The following SYT16 variants were observed in gnomAD, a reference collection of about 807,000 sequenced individuals.
SYT16 encodes the protein synaptotagmin 16.
SYT16 carries 42 observed loss-of-function variants against 61.4 expected under a neutral mutation model. The ratio of observed to expected loss-of-function variants is 0.68; its 90% CI spans 0.53 to 0.89. SYT16 has a LOEUF of 0.89. Among genes scored for constraint, SYT16 ranks in the 40% least tolerant of loss-of-function variants. The probability of loss-of-function intolerance (pLI) is 0.00; values close to 1 mark genes in which losing one functional copy is unlikely to be tolerated. For missense variants in SYT16, 804 were observed against 807.3 expected (o/e 1.00, Z 0.05); for synonymous variants, 314 against 302.3 (o/e 1.04, Z -0.40).
In SYT16 at chr14:62,056,223, C is replaced by G. The variant is rs147316815; in HGVS notation, c.524-13380C>G. 1.8e-4 allele frequency among the ~76,000 whole-genome samples: 28 copies of G among 152,276 alleles called. No individual in the cohort carries two copies. The East Asian group carries it at 4.6e-3, about 25-fold the overall frequency. On this transcript the variant is annotated intron_variant, in intron 3 of 7. Transcript: ENST00000683842. ...ACACAAAGCTACAGTGAAATACTAT[C>G]TCACGTCTACCAGGTCTGCAAAATC...
At chr14:61,909,327 G>A (rs12882643) in intron 1 of SYT16, among the ~76,000 whole-genome samples, 37,558 of 152,094 alleles carry the variant, frequency 0.25, 5,457 homozygotes, top group East Asian at 0.42. Context: ...TGGTGGTTTA[G>A]AACAACAGAA....
In SYT16 at chr14:62,054,712, T is replaced by C. The variant is rs140214510; in HGVS notation, c.524-14891T>C. ...CTATTTATTTTCAGTTGTGATATAT[T>C]TGGATATATTCATTATAGAGTCGAT... is the stretch of plus-strand genomic sequence containing the variant. On this transcript the variant is annotated intron_variant, in intron 3 of 7. Coordinates refer to ENST00000683842, the MANE Select transcript of SYT16 (RefSeq NM_001367656.1). Among the ~76,000 whole-genome samples, 218 of 152,332 alleles carry C rather than the reference T, an allele frequency of 1.4e-3. 5 individuals carry two copies. In the East Asian group the frequency reaches 0.038, roughly 27 times the overall value.
intron 3 of SYT16, among the ~76,000 whole-genome samples, chr14:62,059,434 T>G (rs1232611855): frequency 6.6e-6 from 1 of 151,716 alleles, no homozygotes; most frequent in Non-Finnish European, 1.5e-5. Flanking sequence ...AAATTCTAGA[T>G]AGAAGCCCTT....
In SYT16 at chr14:61,844,724, G is replaced by C. The variant is rs1481117324; in HGVS notation, c.-325+31914G>C. On this transcript the variant is annotated intron_variant, in intron 1 of 7. Coordinates refer to ENST00000683842, the MANE Select transcript of SYT16 (RefSeq NM_001367656.1). ...ATGTTGAACCATCCTTGCATCCCAG[G>C]AATAAATCCCACTTGGTTATAATGA... 2.6e-5 allele frequency among the ~76,000 whole-genome samples: 4 copies of C among 152,232 alleles called. No individual in the cohort carries two copies. In the East Asian group the frequency reaches 7.7e-4, roughly 29 times the overall value.
At chr14:62,097,256 T>C (rs1383657388) in intron 7 of SYT16, among the ~76,000 whole-genome samples, 2 of 152,168 alleles carry the variant, frequency 1.3e-5, no homozygotes, top group Non-Finnish European at 2.9e-5. Context: ...GACAGGGCTG[T>C]CAAGGGATTA....
intron 1 of SYT16, among the ~76,000 whole-genome samples, chr14:61,957,957 T>C (rs1469514741): frequency 6.6e-6 from 1 of 151,962 alleles, no homozygotes; most frequent in Admixed American, 6.6e-5. Flanking sequence ...TTTTTTATTA[T>C]TCCTTCAATA....
chr14:61,824,189 C>A (rs77465195), intron 1 of SYT16, among the ~76,000 whole-genome samples: 1 of 152,078 alleles, frequency 6.6e-6, no homozygotes, highest in African/African-American at 2.4e-5. Flanking sequence ...ATTCAGAATC[C>A]GTCACTCATT....
intron 7 of SYT16, among the ~76,000 whole-genome samples, chr14:62,092,986 A>G (rs1031167951): frequency 2.0e-5 from 3 of 152,130 alleles, no homozygotes; most frequent in African/African-American, 7.2e-5. Flanking sequence ...TGACAGCTGG[A>G]TGTTTAGACT....
At chr14:61,865,164 T>A in intron 1 of SYT16, 2 of 1,223,850 alleles carry the variant, frequency 1.6e-6, no homozygotes, top group Non-Finnish European at 2.4e-6. Context: ...CTGCAGTTAC[T>A]GGGCCCAGAG....
rs188634035 is a variant in SYT16 at position 61,850,222 on chromosome 14, C to T, written c.-325+37412C>T. 9.7e-3 allele frequency among the ~76,000 whole-genome samples: 1,463 copies of T among 150,782 alleles called. 9 individuals are homozygous for T. The highest frequency in any genetic ancestry group is 0.048 in the Middle Eastern group (14 of 294). The stretch of plus-strand genomic sequence containing the variant: ...TGATCTCGGCTCACTGCAACCTCTG[C>T]CTCCTGGGTTCAAGTGATTCTCCTG... On this transcript the variant is annotated intron_variant, in intron 1 of 7. Transcript: ENST00000683842.
chr14:61,994,461 T>A (rs1253173120), intron 2 of SYT16, among the ~76,000 whole-genome samples: 2 of 152,150 alleles, frequency 1.3e-5, no homozygotes, highest in Admixed American at 6.5e-5. Context: ...ATCATTGGCT[T>A]TGACAGCCAC....
chr14:61,912,814 G>A (rs1262974406), intron 1 of SYT16, among the ~76,000 whole-genome samples: 1 of 152,150 alleles, frequency 6.6e-6, no homozygotes, highest in Non-Finnish European at 1.5e-5. Flanking sequence ...AGATGATTTA[G>A]TCCCCATCAC....
intron 4 of SYT16, among the ~76,000 whole-genome samples, chr14:62,073,310 T>G (rs1405688379): frequency 6.6e-6 from 1 of 152,200 alleles, no homozygotes; most frequent in Non-Finnish European, 1.5e-5. Flanking sequence ...AATTTTGTGC[T>G]GAAATCCTGC....
At chr14:62,042,350 T>G (rs181319361) in intron 3 of SYT16, among the ~76,000 whole-genome samples, 1 of 152,194 alleles carries the variant, frequency 6.6e-6, no homozygotes, top group Non-Finnish European at 1.5e-5. Context: ...TACCTTTGCG[T>G]GCAAGATATA....
chr14:61,924,880 A>G (rs914495438), intron 1 of SYT16, among the ~76,000 whole-genome samples: 11 of 152,228 alleles, frequency 7.2e-5, no homozygotes, highest in Admixed American at 1.3e-4. Context: ...ATGTAAGCAA[A>G]GTTCACAGGC....
intron 3 of SYT16, among the ~76,000 whole-genome samples, chr14:62,062,503 T>C (rs958084323): frequency 8.5e-5 from 13 of 152,188 alleles, no homozygotes; most frequent in African/African-American, 3.1e-4. Flanking sequence ...GCATTGAAGC[T>C]CCTTTGGGGA....
At chr14:62,023,443 T>C (rs1222486760) in intron 3 of SYT16, among the ~76,000 whole-genome samples, 1 of 152,144 alleles carries the variant, frequency 6.6e-6, no homozygotes, top group East Asian at 1.9e-4. Context: ...AGCTTAGGAA[T>C]TGGCCAACAA....
rs2057465318 is a variant in SYT16 at position 62,103,840 on chromosome 14, A to G, written c.*3133A>G. 6.6e-6 allele frequency: 1 copy of G among 152,206 alleles called. No homozygotes were observed. Among genetic ancestry groups the G allele is most frequent in the Non-Finnish European group, 1.5e-5 (1 of 68,042 alleles). The allele number at this position is 152,206 out of a possible 1,614,324, so 9.4% of individuals were successfully genotyped here. A position where few individuals can be genotyped will look rare whatever the true frequency, so the allele number is the denominator to read the frequency against. On this transcript the variant is annotated 3_prime_UTR_variant, in exon 8 of 8. Coordinates refer to ENST00000683842, the MANE Select transcript of SYT16 (RefSeq NM_001367656.1). ...TTTGTGAGAGGGAAAAGAGTATGGCATTGCATAGTCATTCGCTTTAGGCAC... is the reference window on the plus strand; with the variant it reads ...TTTGTGAGAGGGAAAAGAGTATGGCGTTGCATAGTCATTCGCTTTAGGCAC...
intron 7 of SYT16, among the ~76,000 whole-genome samples, chr14:62,097,171 G>A (rs2057299011): frequency 6.6e-6 from 1 of 152,070 alleles, no homozygotes; most frequent in Admixed American, 6.6e-5. Context: ...TGGAGATTAT[G>A]TACTATTATA....
Sources: gnomAD v4.1 joint callset for allele counts (sites outside exome capture counted in the v4.1 genomes callset) on GRCh38, gnomAD v4.1.1 for gene constraint, MANE v1.5 for transcripts, NCBI Gene and HGNC (gene_info 2026-07-23, HGNC 2026-07-21) for gene names.